Variants in HSPG2 observed in about 807,000 individuals in gnomAD.
HSPG2 encodes the protein basement membrane-specific heparan sulfate proteoglycan core protein.
Under a neutral mutation model 526.6 loss-of-function variants are expected in HSPG2, and 278 were observed. The ratio of observed to expected loss-of-function variants is 0.53; its 90% CI spans 0.48 to 0.58. The LOEUF is 0.58. Among genes scored for constraint, HSPG2 ranks in the 20% least tolerant of loss-of-function variants. The probability of loss-of-function intolerance (pLI) is 0.00; values close to 1 mark genes in which losing one functional copy is unlikely to be tolerated. For missense variants in HSPG2, 5,354 were observed against 6,099.5 expected (o/e 0.88, Z 4.07); for synonymous variants, 2,465 against 2,555.4 (o/e 0.96, Z 1.07).
Position 21,828,823 on chromosome 1 carries a change from G to A in HSPG2, c.12237+12C>T. 6.4e-7 allele frequency: 1 copy of A among 1,550,550 alleles called. No homozygotes were observed. The highest frequency in any genetic ancestry group is 8.7e-7 in the Non-Finnish European group (1 of 1,146,952). ...CCTCCCCTCCCGCTTGTCCCGAGGA[G>A]GCTGCTCTTACCTCGCCCACACAGC... On this transcript the variant is annotated intron_variant, in intron 88 of 96. Transcript: ENST00000374695. The surrounding 1 kb of genome is among the most constrained non-coding windows in gnomAD (Gnocchi z 6.0).
At chr1:21,888,109 A>C (rs552620341) in intron 6 of HSPG2, 43 bp from the exon 7 acceptor site, 2 of 1,611,820 alleles carry the variant, frequency 1.2e-6, no homozygotes, top group Non-Finnish European at 1.7e-6. Context: ...AGGCGGCAGG[A>C]GGCAGGTGCG....
chr1:21,885,555 T>C, intron 9 of HSPG2, 104 bp from the exon 10 acceptor site: 1 of 1,329,000 alleles, frequency 7.5e-7, no homozygotes, highest in Admixed American at 1.9e-5. Flanking sequence ...ACAGCGGCCC[T>C]CGCCATGCCT....
At chr1:21,934,703 C>T (rs1644438419) in intron 1 of HSPG2, among the ~76,000 whole-genome samples, 1 of 151,772 alleles carries the variant, frequency 6.6e-6, no homozygotes. Flanking sequence ...TAACGCCATT[C>T]TCCTGCCTCA....
In HSPG2 at chr1:21,937,165, C is replaced by A. The variant is rs1644512070; in HGVS notation, c.53G>T (p.Arg18Leu). The change falls in exon 1 of 97, where the codon CGG (arginine) becomes CTG (leucine). Residue 18 changes from arginine (R) to leucine (L), a missense_variant. Arg to Leu is a moderately radical substitution (Grantham distance 102, BLOSUM62 -2). Transcript: ENST00000374695. Reference sequence around the variant, plus strand: ...GCCCCGCACACTCACCGCCAGCAGCCGCCCGTGCAGCAGCAGCGCCAGCAG... The same window carrying A: ...GCCCCGCACACTCACCGCCAGCAGCAGCCCGTGCAGCAGCAGCGCCAGCAG... Reference protein sequence around the residue: ...ALLLALLLHGRLLAVTHGLRA... With the variant: ...ALLLALLLHGLLLAVTHGLRA... The A allele has an allele frequency of 9.3e-7, 1 of 1,071,774 alleles. No homozygotes were observed. The highest frequency in any genetic ancestry group is 1.2e-6 in the Non-Finnish European group (1 of 866,076). The allele number at this position is 1,071,774 out of a possible 1,614,324, so 66.4% of individuals were successfully genotyped here.
chr1:21,922,365 G>C (rs1008844894), intron 1 of HSPG2, among the ~76,000 whole-genome samples: 3 of 152,214 alleles, frequency 2.0e-5, no homozygotes, highest in African/African-American at 7.2e-5. Context: ...TTGATGGACG[G>C]GAGCTAACAG....
In HSPG2 at chr1:21,841,226, C is replaced by T; in HGVS notation, c.9388G>A (p.Val3130Ile). ...CCGGCACTGACACACTCCAGGGTGA[C>T]AGCCTTTCCCACTTTCACCCACACG... ...GPVWVKVGKA[V>I]TLECVSAGEP... The change falls in exon 71 of 97, where the codon GTC becomes ATC. Residue 3130 changes from valine (V) to isoleucine (I), a missense_variant. Val to Ile is a conservative substitution (Grantham distance 29). Transcript: ENST00000374695. 1 of 1,613,936 alleles carries T rather than the reference C, an allele frequency of 6.2e-7. No homozygotes were observed. The highest frequency in any genetic ancestry group is 2.2e-5 in the East Asian group (1 of 44,884).
At position 21,860,241 on chromosome 1, in the gene HSPG2, A is replaced by C; in HGVS notation, c.4956-6T>G. On this transcript the variant is annotated splice_polypyrimidine_tract_variant and splice_region_variant and intron_variant, in intron 39 of 96. Transcript: ENST00000374695. ...CCACGTAACCTGGGCCACACCTGTA[A>C]GGGGGAACAAGGGCCGGCAATGTCA... The C allele has an allele frequency of 6.2e-7, 1 of 1,612,416 alleles. No individual in the cohort carries two copies. The highest frequency in any genetic ancestry group is 8.5e-7 in the Non-Finnish European group (1 of 1,179,386).
At position 21,833,364 on chromosome 1, in the gene HSPG2, T is replaced by C. The variant is rs2098012890; in HGVS notation, c.10999A>G (p.Thr3667Ala). 6.2e-7 allele frequency: 1 copy of C among 1,614,054 alleles called. No individual in the cohort carries two copies. ...QVPERVVPYFTQTPYSFLPLP... is the reference protein window; with the variant it reads ...QVPERVVPYFAQTPYSFLPLP... ...GGTAGGAAGGAGTAGGGGGTCTGCG[T>C]GAAGTAGGGCACCACCCGCTCTGCC... The change falls in exon 80 of 97, where the codon ACG becomes GCG. Residue 3667 changes from threonine to alanine, a missense_variant. Coordinates refer to ENST00000374695, the MANE Select transcript of HSPG2 (RefSeq NM_005529.7).
At chr1:21,905,444 A>G (rs1643331769) in intron 1 of HSPG2, among the ~76,000 whole-genome samples, 2 of 152,164 alleles carry the variant, frequency 1.3e-5, no homozygotes, top group African/African-American at 2.4e-5. Context: ...TTTTGCTCCA[A>G]TGTCACCTTT....
intron 1 of HSPG2, among the ~76,000 whole-genome samples, chr1:21,913,415 C>T (rs1557824837): frequency 2.0e-5 from 3 of 152,168 alleles, no homozygotes; most frequent in Admixed American, 2.0e-4. Flanking sequence ...CCCAGGGACT[C>T]GGGTTACCGG....
rs1360618935 is a variant in HSPG2, at chr1:21,855,362, G to A, written c.5939C>T (p.Ala1980Val). 5.0e-6 allele frequency: 8 copies of A among 1,611,748 alleles called. No individual in the cohort carries two copies. Among genetic ancestry groups the A allele is most frequent in the South Asian group, 3.3e-5 (3 of 90,500 alleles). ...GGTGATGGTGGCGCTAGGCACGCCT[G>A]CAGCCCTGCAGTACAGCCTGACGGT... ...GRTVRLYCRA[A>V]GVPSATITWR... The change falls in exon 47 of 97, where the codon GCA (alanine) becomes GTA (valine). Residue 1980 changes from alanine (A) to valine (V), a missense_variant. By Grantham distance (64) the Ala-to-Val change is moderately conservative (BLOSUM62 0). Coordinates refer to ENST00000374695, the MANE Select transcript of HSPG2 (RefSeq NM_005529.7).
At position 21,925,008 on chromosome 1, in the gene HSPG2, C is replaced by T. The variant is rs375259380; in HGVS notation, c.63+12147G>A. ...GGCACTTATAGCTTACGAGTCCTGC[C>T]TCTCCAACAAGATCCAAGGCATCCG... On this transcript the variant is annotated intron_variant, in intron 1 of 96. Coordinates refer to ENST00000374695, the MANE Select transcript of HSPG2 (RefSeq NM_005529.7). Among the ~76,000 whole-genome samples, 6 of 152,308 alleles carry T rather than the reference C, an allele frequency of 3.9e-5. No homozygotes were observed. The East Asian group carries it at 9.7e-4, about 25-fold the overall frequency.
At position 21,835,221 on chromosome 1, in the gene HSPG2, T is replaced by C. The variant is rs2098021615; in HGVS notation, c.10454-276A>G. The C allele has an allele frequency of 8.3e-6, 5 of 600,218 alleles. No individual in the cohort carries two copies. The Admixed American group carries it at 1.3e-4, about 16-fold the overall frequency. The allele number at this position is 600,218 out of a possible 1,614,324, so 37.2% of individuals were successfully genotyped here. ...TCACCACAGCCTAGAATTCATGCGC[T>C]CAAGCAATGCTCCCAGCTTAGCCTC... On this transcript the variant is annotated intron_variant, in intron 76 of 96. Transcript: ENST00000374695.
intron 80 of HSPG2, 192 bp from the exon 81 acceptor site, chr1:21,832,798 C>T (rs577929466): frequency 7.5e-4 from 456 of 604,090 alleles, no homozygotes; most frequent in Non-Finnish European, 1.1e-3. Context: ...CCTTACTGAG[C>T]GCCCCTAGAA....
intron 1 of HSPG2, 81 bp from the exon 2 acceptor site, chr1:21,896,391 G>T (rs1557804955): frequency 2.6e-6 from 4 of 1,537,780 alleles, no homozygotes; most frequent in Non-Finnish European, 3.6e-6. Flanking sequence ...CTTCCAGGGG[G>T]ACCCAGAATC....
chr1:21,908,720 A>G, intron 1 of HSPG2: 1 of 504,360 alleles, frequency 2.0e-6, no homozygotes, highest in South Asian at 3.0e-5. Flanking sequence ...ACGACCCCAA[A>G]GCTTCCTCTG....
chr1:21,860,039 C>G, intron 40 of HSPG2, 37 bp from the exon 41 acceptor site: 4 of 1,605,894 alleles, frequency 2.5e-6, no homozygotes, highest in Non-Finnish European at 3.4e-6. Flanking sequence ...GGCCTTTCAG[C>G]ATTGTCTTCA....
At chr1:21,926,258 G>A (rs1644187995) in intron 1 of HSPG2, among the ~76,000 whole-genome samples, 2 of 152,192 alleles carry the variant, frequency 1.3e-5, no homozygotes, top group African/African-American at 2.4e-5. Context: ...TCTAAAGAGG[G>A]TGGCAGTTTT....
At position 21,874,661 on chromosome 1, in the gene HSPG2, G is replaced by A. The variant is rs1332382399; in HGVS notation, c.3483C>T (p.Cys1161=). The change falls in exon 27 of 97, where the codon TGC becomes TGT. Residue 1161 remains cysteine (C), a synonymous_variant. Coordinates refer to ENST00000374695, the MANE Select transcript of HSPG2 (RefSeq NM_005529.7). ...LYLGTCERCS[C]HGHSEACEPE... The stretch of plus-strand genomic sequence containing the variant: ...GCTCGCAGGCCTCTGAGTGGCCATG[G>A]CAGCTGCAGCGTTCACAGGTACCCA... 6.2e-7 allele frequency: 1 copy of A among 1,613,016 alleles called. No individual in the cohort carries two copies. The highest frequency in any genetic ancestry group is 1.1e-5 in the South Asian group (1 of 90,898).
Sources: allele counts gnomAD v4.1 joint callset (sites outside exome capture counted in the v4.1 genomes callset), GRCh38; gene constraint gnomAD v4.1.1; non-coding constraint Gnocchi (gnomAD v3.1); transcripts MANE v1.5; gene names NCBI Gene and HGNC (gene_info 2026-07-23, HGNC 2026-07-21).